Variants in PTPRT observed in about 807,000 individuals in gnomAD.
PTPRT encodes receptor-type tyrosine-protein phosphatase T.
In PTPRT, 56 loss-of-function variants were observed where a neutral mutation model predicts 176.8. That is an observed-to-expected ratio of 0.32 (90% CI 0.26 to 0.40). The LOEUF is 0.40. PTPRT is among the 10% of genes least tolerant of loss of function. PTPRT has a pLI of 1.00. For synonymous variants in PTPRT, 783 were observed against 739.0 expected (o/e 1.06, Z -0.96); for missense variants, 1,540 against 1,908.2 (o/e 0.81, Z 3.60).
intron 9 of PTPRT, among the ~76,000 whole-genome samples, chr20:42,375,180 A>C (rs1202282704): frequency 2.0e-5 from 3 of 152,168 alleles, no homozygotes; most frequent in Non-Finnish European, 4.4e-5. Context: ...GTCTTTCTTA[A>C]TGGAAGGGGA....
At chr20:42,937,888 T>C (rs1419780109) in intron 1 of PTPRT, among the ~76,000 whole-genome samples, 1 of 152,220 alleles carries the variant, frequency 6.6e-6, no homozygotes, top group Non-Finnish European at 1.5e-5. Flanking sequence ...ATTGTTCCCA[T>C]TCTGCAGATG....
intron 7 of PTPRT, among the ~76,000 whole-genome samples, chr20:42,544,138 G>A (rs1193557485): frequency 6.6e-6 from 1 of 152,162 alleles, no homozygotes; most frequent in Admixed American, 6.5e-5. Flanking sequence ...AGGCTTTGAA[G>A]CCAGACATTT....
intron 16 of PTPRT, among the ~76,000 whole-genome samples, chr20:42,163,924 G>A (rs1467034894): frequency 1.3e-5 from 2 of 152,216 alleles, no homozygotes; most frequent in Non-Finnish European, 2.9e-5. Flanking sequence ...TCTCATCGAA[G>A]GCATCCTTCC....
intron 1 of PTPRT, among the ~76,000 whole-genome samples, chr20:43,129,570 G>A (rs934833869): frequency 1.1e-4 from 16 of 150,070 alleles, no homozygotes; most frequent in Non-Finnish European, 2.2e-4. Context: ...TTTAGACTCA[G>A]CTGCTCCTCC....
At chr20:42,686,236 T>C (rs2075688965) in intron 6 of PTPRT, 1 of 152,234 alleles carries the variant, frequency 6.6e-6, no homozygotes, top group Admixed American at 6.5e-5. Flanking sequence ...TACCGCCTGC[T>C]CTGTGGCTAC....
intron 27 of PTPRT, among the ~76,000 whole-genome samples, chr20:42,091,020 C>T (rs1027025174): frequency 4.6e-5 from 7 of 152,190 alleles, no homozygotes; most frequent in Admixed American, 4.6e-4. Context: ...TTTGCCACTG[C>T]AGATACATAC....
intron 14 of PTPRT, among the ~76,000 whole-genome samples, chr20:42,247,176 G>C (rs1450929928): frequency 6.6e-6 from 1 of 152,192 alleles, no homozygotes; most frequent in Non-Finnish European, 1.5e-5. Context: ...AAGCCATTGT[G>C]CTGGGAGCTT....
intron 15 of PTPRT, among the ~76,000 whole-genome samples, chr20:42,208,905 C>A (rs1332293558): frequency 6.6e-6 from 1 of 152,176 alleles, no homozygotes; most frequent in African/African-American, 2.4e-5. Flanking sequence ...TAAAGGTCTC[C>A]TTAGCAAATG....
At chr20:42,611,100 G>A (rs1424579039) in intron 7 of PTPRT, among the ~76,000 whole-genome samples, 1 of 152,138 alleles carries the variant, frequency 6.6e-6, no homozygotes, top group Non-Finnish European at 1.5e-5. Context: ...TTTCTATTTT[G>A]GGGTGATCAT....
intron 6 of PTPRT, among the ~76,000 whole-genome samples, chr20:42,696,487 G>T (rs1156345796): frequency 1.5e-4 from 22 of 147,774 alleles, no homozygotes; most frequent in East Asian, 4.0e-4. Flanking sequence ...ACAGAGCCTC[G>T]CTCTGTCGCC....
chr20:42,539,082 C>T (rs1414476501), intron 7 of PTPRT, among the ~76,000 whole-genome samples: 2 of 152,160 alleles, frequency 1.3e-5, no homozygotes, highest in Admixed American at 6.5e-5. Context: ...GGCAATGGGA[C>T]CTCAGAGTCA....
intron 1 of PTPRT, among the ~76,000 whole-genome samples, chr20:43,186,584 C>T (rs2146492669): frequency 6.6e-6 from 1 of 152,328 alleles, no homozygotes; most frequent in Middle Eastern, 3.4e-3. Flanking sequence ...GGCAGCCTGA[C>T]ACCTTCAAGA....
At chr20:42,433,014 CTGT>C (rs1161330884) in intron 9 of PTPRT, among the ~76,000 whole-genome samples, 1 of 152,144 alleles carries the variant, frequency 6.6e-6, no homozygotes. Flanking sequence ...TTTGGCTTTT[CTGT>C]TAACACTTTT....
chr20:42,190,761 T>C (rs149586650), intron 16 of PTPRT, among the ~76,000 whole-genome samples: 115 of 152,298 alleles, frequency 7.6e-4, no homozygotes, highest in African/African-American at 2.7e-3. Flanking sequence ...AGCAGATGAC[T>C]CAGTGTCTGT....
In PTPRT at chr20:42,381,349, A is replaced by G. The variant is rs2058696871; in HGVS notation, c.1561-29064T>C. ...TTTTTATCCAGGTAAGTGCTTTAAG[A>G]GCCAAAGCCCAATTTGCCGCTTTCT... On this transcript the variant is annotated intron_variant, in intron 9 of 30. Coordinates refer to ENST00000373187, the MANE Select transcript of PTPRT (RefSeq NM_007050.6). Among the ~76,000 whole-genome samples the G allele has an allele frequency of 3.3e-5, 5 of 152,140 alleles. No homozygotes were observed. In the South Asian group the frequency reaches 8.3e-4, roughly 25 times the overall value.
chr20:42,785,599 C>A (rs2145519468), intron 3 of PTPRT, among the ~76,000 whole-genome samples: 1 of 152,272 alleles, frequency 6.6e-6, no homozygotes, highest in South Asian at 2.1e-4. Flanking sequence ...AAGTGAGTAA[C>A]CATTAGTGAC....
chr20:43,002,314 GCA>G (rs1403948286), intron 1 of PTPRT, among the ~76,000 whole-genome samples: 4 of 151,908 alleles, frequency 2.6e-5, no homozygotes, highest in Non-Finnish European at 4.4e-5. Flanking sequence ...TAATACAAGG[GCA>G]GTGAAAGAAA....
intron 7 of PTPRT, among the ~76,000 whole-genome samples, chr20:42,578,628 T>C (rs1478605439): frequency 6.6e-6 from 1 of 152,100 alleles, no homozygotes; most frequent in East Asian, 1.9e-4. Flanking sequence ...CCACTACCAA[T>C]CCACCAGCAA....
At chr20:42,608,421 C>T (rs530272781) in intron 7 of PTPRT, among the ~76,000 whole-genome samples, 6 of 152,282 alleles carry the variant, frequency 3.9e-5, no homozygotes, top group African/African-American at 1.4e-4. Flanking sequence ...CAAAATCCCT[C>T]CATTGTCCTT....
Sources: gnomAD v4.1 joint callset for allele counts (sites outside exome capture counted in the v4.1 genomes callset) on GRCh38, gnomAD v4.1.1 for gene constraint, MANE v1.5 for transcripts, NCBI Gene and HGNC (gene_info 2026-07-23, HGNC 2026-07-21) for gene names.